Variants in TBC1D5 observed in about 807,000 individuals in gnomAD.
TBC1D5 encodes TBC1 domain family member 5.
In TBC1D5, 75 loss-of-function variants were observed where a neutral mutation model predicts 100.3. The ratio of observed to expected loss-of-function variants is 0.75; its 90% confidence interval spans 0.62 to 0.91. The LOEUF is 0.91. Ranked by LOEUF, TBC1D5 falls within the 40% of genes least tolerant of loss-of-function variation. TBC1D5 has a pLI of 0.00. For missense variants in TBC1D5, 910 were observed against 942.4 expected, an observed-to-expected ratio of 0.97 and a Z score of 0.45; for synonymous variants, 323 against 325.6, an observed-to-expected ratio of 0.99 and a Z score of 0.09.
chr3:17,271,730 T>C (rs1161679540), intron 15 of TBC1D5, among the ~76,000 whole-genome samples: 2 of 152,168 alleles, frequency 1.3e-5, no homozygotes, highest in African/African-American at 4.8e-5. Context: ...AGTATGATGT[T>C]GGCTGTGGGT....
At chr3:17,574,135 T>A (rs936656516) in intron 2 of TBC1D5, among the ~76,000 whole-genome samples, 1 of 152,046 alleles carries the variant, frequency 6.6e-6, no homozygotes, top group Non-Finnish European at 1.5e-5. Context: ...CTCCCAGAAC[T>A]TTGCTGGGAA....
At chr3:17,734,102 G>A (rs9833117) in intron 1 of TBC1D5, among the ~76,000 whole-genome samples, 2 of 152,190 alleles carry the variant, frequency 1.3e-5, no homozygotes, top group South Asian at 2.1e-4. Context: ...AGGCACGAAG[G>A]GATATTAGCT....
chr3:17,684,539 C>T (rs969536200), intron 1 of TBC1D5, among the ~76,000 whole-genome samples: 5 of 152,040 alleles, frequency 3.3e-5, no homozygotes, highest in African/African-American at 1.2e-4. Flanking sequence ...CGAATGACTA[C>T]TTTAACCTAT....
At chr3:17,284,723 A>G (rs2080990712) in intron 15 of TBC1D5, among the ~76,000 whole-genome samples, 1 of 152,244 alleles carries the variant, frequency 6.6e-6, no homozygotes, top group African/African-American at 2.4e-5. Flanking sequence ...TACTGGTTTA[A>G]TAAAGATTTT....
At chr3:17,279,937 A>T (rs1291674972) in intron 15 of TBC1D5, among the ~76,000 whole-genome samples, 2 of 152,226 alleles carry the variant, frequency 1.3e-5, no homozygotes, top group Non-Finnish European at 2.9e-5. Context: ...AGGAGAATGG[A>T]GGCAATAAAC....
intron 15 of TBC1D5, among the ~76,000 whole-genome samples, chr3:17,274,150 T>C (rs1230898356): frequency 6.6e-6 from 1 of 152,184 alleles, no homozygotes; most frequent in Non-Finnish European, 1.5e-5. Context: ...AACTTTAATT[T>C]AAAAAACATA....
At chr3:17,320,497 G>A (rs1352064471) in intron 13 of TBC1D5, among the ~76,000 whole-genome samples, 1 of 152,184 alleles carries the variant, frequency 6.6e-6, no homozygotes, top group Non-Finnish European at 1.5e-5. Flanking sequence ...AACCAAGGAA[G>A]TTTTAGTGAT....
chr3:17,320,532 C>T (rs1175932470), intron 13 of TBC1D5, among the ~76,000 whole-genome samples: 4 of 152,200 alleles, frequency 2.6e-5, no homozygotes, highest in Non-Finnish European at 5.9e-5. Context: ...TCTTTGGCTA[C>T]AGGGAGGACT....
chr3:17,221,600 G>A (rs1053851733), intron 17 of TBC1D5, among the ~76,000 whole-genome samples: 2 of 152,140 alleles, frequency 1.3e-5, no homozygotes, highest in Non-Finnish European at 2.9e-5. Flanking sequence ...TGGCCTTAAG[G>A]ATGGAGAAAT....
chr3:17,220,910 G>C (rs2074208269), intron 17 of TBC1D5, among the ~76,000 whole-genome samples: 1 of 152,098 alleles, frequency 6.6e-6, no homozygotes, highest in South Asian at 2.1e-4. Context: ...CTTTTTAAAA[G>C]CTTATATAAC....
intron 19 of TBC1D5, among the ~76,000 whole-genome samples, chr3:17,173,773 G>A (rs569107916): frequency 8.5e-5 from 13 of 152,150 alleles, no homozygotes; most frequent in Non-Finnish European, 1.5e-4. Context: ...GACTGTAGTA[G>A]ACTCTAAAGA....
chr3:17,681,437 C>T lies in TBC1D5; in HGVS notation c.-100-57524G>A, dbSNP rs146325360. On this transcript the variant is annotated intron_variant, in intron 1 of 21. Coordinates refer to ENST00000253692, the Ensembl canonical transcript of TBC1D5. ...ACTATGACTTTAATAATGTAATTTG[C>T]CATGTCAGATAAATACATATCAGGA... Among the ~76,000 whole-genome samples, 176 of 151,432 alleles carry T rather than the reference C, an allele frequency of 1.2e-3. 1 individual carries two copies. The East Asian group carries it at 0.03, about 26-fold the overall frequency.
intron 8 of TBC1D5, among the ~76,000 whole-genome samples, chr3:17,392,335 C>T (rs2093374701): frequency 1.3e-5 from 2 of 152,028 alleles, no homozygotes; most frequent in South Asian, 4.2e-4. Flanking sequence ...CTTCTTTCTA[C>T]ATGATCCACT....
At chr3:17,348,415 A>T (rs1455812304) in intron 13 of TBC1D5, among the ~76,000 whole-genome samples, 1 of 152,178 alleles carries the variant, frequency 6.6e-6, no homozygotes, top group East Asian at 1.9e-4. Flanking sequence ...CTGATATGGG[A>T]CCTGGGGTTC....
chr3:17,415,463 AAAAC>A (rs1177388321), intron 4 of TBC1D5, among the ~76,000 whole-genome samples: 4 of 152,134 alleles, frequency 2.6e-5, no homozygotes, highest in Admixed American at 2.0e-4. Flanking sequence ...AAACAAAACA[AAAAC>A]AAACAAACAA....
At chr3:17,725,720 T>C (rs569144512) in intron 1 of TBC1D5, among the ~76,000 whole-genome samples, 9 of 152,342 alleles carry the variant, frequency 5.9e-5, no homozygotes, top group South Asian at 2.1e-4. Flanking sequence ...AATTTGTTTT[T>C]TAATTTTAGG....
rs548292335 is a variant in TBC1D5, at chr3:17,438,542, T to G, written c.98-10023A>C. On this transcript the variant is annotated intron_variant, in intron 3 of 21. Transcript: ENST00000253692. ...GCACTCACTTTCTCTCCTGCTGCCATGTGAAGAAGGACATGTTTGCTTTGC... is the reference window on the plus strand; with the variant it reads ...GCACTCACTTTCTCTCCTGCTGCCAGGTGAAGAAGGACATGTTTGCTTTGC... Among the ~76,000 whole-genome samples, 34 of 152,324 alleles carry G rather than the reference T, an allele frequency of 2.2e-4. No homozygotes were observed. The South Asian group carries it at 5.8e-3, about 26-fold the overall frequency.
intron 4 of TBC1D5, among the ~76,000 whole-genome samples, chr3:17,407,737 TC>T (rs2093811116): frequency 6.6e-6 from 1 of 152,126 alleles, no homozygotes; most frequent in Non-Finnish European, 1.5e-5. Flanking sequence ...CAGCAGAACT[TC>T]CAGCTTTAAC....
At position 17,636,701 on chromosome 3, in the gene TBC1D5, T is replaced by C. The variant is rs542098477; in HGVS notation, c.-100-12788A>G. 3.3e-5 allele frequency among the ~76,000 whole-genome samples: 5 copies of C among 151,642 alleles called. No individual in the cohort carries two copies. In the South Asian group the frequency reaches 1.0e-3, roughly 32 times the overall value. ...CTGTAGTCCCAGCTACTAGGGAGGC[T>C]GAGGCAGGAGAATGGCATGAACCCG... is the stretch of plus-strand genomic sequence containing the variant. On this transcript the variant is annotated intron_variant, in intron 1 of 21. Transcript: ENST00000253692.
Sources: gnomAD v4.1 joint callset for allele counts (sites outside exome capture counted in the v4.1 genomes callset) on GRCh38, gnomAD v4.1.1 for gene constraint, MANE v1.5 for transcripts, NCBI Gene and HGNC (gene_info 2026-07-23, HGNC 2026-07-21) for gene names.